DACH1: variants seen among roughly 807,000 people sequenced by gnomAD.
The protein encoded by DACH1 is dachshund homolog 1.
A neutral mutation model predicts 54.2 loss-of-function variants in DACH1; 12 were observed. The observed-to-expected ratio is 0.22, with a 90% CI of 0.14 to 0.36. The LOEUF (loss-of-function observed/expected upper bound fraction) is 0.36, where lower values mean the gene tolerates loss of function less well. Ranked by LOEUF, DACH1 falls within the 10% of genes least tolerant of loss-of-function variation. The pLI is 1.00. For synonymous variants in DACH1, 386 were observed against 366.2 expected, an observed-to-expected ratio of 1.05 and a Z score of -0.62; for missense variants, 805 against 929.8, an observed-to-expected ratio of 0.87 and a Z score of 1.75.
intron 10 of DACH1, among the ~76,000 whole-genome samples, chr13:71,459,067 G>A (rs1314594279): frequency 6.6e-6 from 1 of 151,824 alleles, no homozygotes; most frequent in South Asian, 2.1e-4. Flanking sequence ...TTCATTCCAC[G>A]AAATATTATT....
At chr13:71,849,871 A>G (rs1873545470) in intron 1 of DACH1, among the ~76,000 whole-genome samples, 1 of 152,244 alleles carries the variant, frequency 6.6e-6, no homozygotes, top group Non-Finnish European at 1.5e-5. Flanking sequence ...CTACAGTAAG[A>G]CAAATGACTT....
intron 1 of DACH1, among the ~76,000 whole-genome samples, chr13:71,706,466 T>G (rs888344928): frequency 3.6e-4 from 55 of 152,204 alleles, no homozygotes; most frequent in African/African-American, 1.3e-3. Context: ...AGACATAATT[T>G]CCCAGTTTGT....
intron 3 of DACH1, among the ~76,000 whole-genome samples, chr13:71,579,959 G>GA (rs1885759814): frequency 2.6e-5 from 4 of 152,004 alleles, no homozygotes; most frequent in African/African-American, 9.7e-5. Flanking sequence ...TTTTGTATAA[G>GA]AAAAAATTAG....
chr13:71,516,855 A>G (rs1881198062), intron 6 of DACH1, among the ~76,000 whole-genome samples: 1 of 151,734 alleles, frequency 6.6e-6, no homozygotes, highest in African/African-American at 2.4e-5. Flanking sequence ...CCCTACAAAC[A>G]TTAACCAAGG....
At chr13:71,658,759 G>T (rs554954534) in intron 2 of DACH1, among the ~76,000 whole-genome samples, 10 of 152,054 alleles carry the variant, frequency 6.6e-5, no homozygotes, top group Non-Finnish European at 1.3e-4. Context: ...GATCTTGCTG[G>T]AATATTTTTA....
intron 4 of DACH1, among the ~76,000 whole-genome samples, chr13:71,567,188 GA>G (rs1182643563): frequency 2.0e-5 from 3 of 151,728 alleles, no homozygotes; most frequent in Non-Finnish European, 2.9e-5. Context: ...GATCAGCAAA[GA>G]AAATTAACGA....
intron 2 of DACH1, among the ~76,000 whole-genome samples, chr13:71,665,835 T>A (rs758513256): frequency 1.2e-4 from 18 of 152,134 alleles, no homozygotes; most frequent in Non-Finnish European, 2.1e-4. Flanking sequence ...TAATTATTTA[T>A]CACTGAATTC....
intron 1 of DACH1, among the ~76,000 whole-genome samples, chr13:71,862,557 A>T (rs1874427655): frequency 6.6e-6 from 1 of 151,684 alleles, no homozygotes; most frequent in African/African-American, 2.4e-5. Context: ...CATTTCTTTC[A>T]TGTTTTGAGA....
intron 6 of DACH1, among the ~76,000 whole-genome samples, chr13:71,537,453 A>G (rs566821499): frequency 8.7e-4 from 133 of 152,274 alleles, no homozygotes; most frequent in African/African-American, 3.1e-3. Context: ...TGATAAGAAT[A>G]TAAATTTTAT....
intron 1 of DACH1, among the ~76,000 whole-genome samples, chr13:71,748,727 G>C (rs1295734863): frequency 6.6e-6 from 1 of 151,864 alleles, no homozygotes; most frequent in East Asian, 1.9e-4. Flanking sequence ...AATAATGTAA[G>C]GATTTCAAAA....
chr13:71,688,985 A>AAT (rs1881330362), intron 1 of DACH1, among the ~76,000 whole-genome samples: 1 of 152,206 alleles, frequency 6.6e-6, no homozygotes, highest in African/African-American at 2.4e-5. Context: ...TGCATTACAA[A>AAT]TTTCCAAGAA....
intron 1 of DACH1, among the ~76,000 whole-genome samples, chr13:71,821,475 T>A (rs1888185007): frequency 6.7e-6 from 1 of 150,310 alleles, no homozygotes; most frequent in Non-Finnish European, 1.5e-5. Flanking sequence ...TAAATTTAAA[T>A]TCTAAGATTT....
chr13:71,606,528 G>A (rs1874893479), intron 3 of DACH1, among the ~76,000 whole-genome samples: 1 of 151,992 alleles, frequency 6.6e-6, no homozygotes, highest in African/African-American at 2.4e-5. Flanking sequence ...GGTATCAGGA[G>A]GTAGAATGAG....
Position 71,557,128 on chromosome 13 carries a change from T to C in DACH1, c.1466A>G (p.Gln489Arg). 6.2e-7 allele frequency: 1 copy of C among 1,611,858 alleles called. No individual in the cohort carries two copies. The change falls in exon 6 of 11, where the codon CAG (glutamine) becomes CGG (arginine). Residue 489 changes from glutamine to arginine, a missense_variant. By Grantham distance (43) the Gln-to-Arg change is conservative. Transcript: ENST00000613252. ...ATTTGGTGATAAGCCCATCAGCATC[T>C]GGTTCATGGACAACCCATTCTGATG... ...PVHQNGLSMN[Q>R]MLMGLSPNVL...
At chr13:71,490,309 T>C (rs1437577285) in intron 6 of DACH1, among the ~76,000 whole-genome samples, 1 of 152,334 alleles carries the variant, frequency 6.6e-6, no homozygotes, top group Non-Finnish European at 1.5e-5. Flanking sequence ...TACGTCTCTC[T>C]GGGGCAGAAA....
chr13:71,652,987 A>C lies in DACH1; in HGVS notation c.965-22270T>G, dbSNP rs147395040. Among the ~76,000 whole-genome samples the C allele has an allele frequency of 5.1e-3, 780 of 152,328 alleles. 5 individuals are homozygous for C. The highest frequency in any genetic ancestry group is 8.5e-3 in the Non-Finnish European group (575 of 68,030). On this transcript the variant is annotated intron_variant, in intron 2 of 10. Coordinates refer to ENST00000613252, the MANE Select transcript of DACH1 (RefSeq NM_080759.6). ...AATTTATCCAAATTTGAGTCCTCCC[A>C]ACTCGAGATAAATGAGACCTCATCT...
intron 10 of DACH1, among the ~76,000 whole-genome samples, chr13:71,455,611 C>T (rs185292535): frequency 9.2e-5 from 14 of 152,064 alleles, no homozygotes; most frequent in Admixed American, 3.3e-4. Flanking sequence ...AGATGGACTG[C>T]GACAGAACTT....
At chr13:71,482,992 G>A (rs1878180103) in intron 7 of DACH1, among the ~76,000 whole-genome samples, 3 of 151,614 alleles carry the variant, frequency 2.0e-5, no homozygotes, top group South Asian at 2.1e-4. Flanking sequence ...TAGTAGAGAC[G>A]GGGTTTTGTC....
At chr13:71,833,827 C>T (rs957811478) in intron 1 of DACH1, among the ~76,000 whole-genome samples, 4 of 151,906 alleles carry the variant, frequency 2.6e-5, no homozygotes, top group African/African-American at 4.8e-5. Context: ...ATTGTAATCC[C>T]TAGTTTTGTC....
Sources: gnomAD v4.1 joint callset for allele counts (sites outside exome capture counted in the v4.1 genomes callset) on GRCh38, gnomAD v4.1.1 for gene constraint, MANE v1.5 for transcripts, NCBI Gene and HGNC (gene_info 2026-07-23, HGNC 2026-07-21) for gene names.